PAPPA: variants seen among roughly 807,000 people sequenced by gnomAD.
PAPPA encodes the protein pappalysin 1, also known as pappalysin-1.
A neutral mutation model predicts 164.0 loss-of-function variants in PAPPA; 60 were observed. The ratio of observed to expected loss-of-function variants is 0.37; its 90% CI spans 0.30 to 0.45. The LOEUF is 0.45. Ranked by LOEUF, PAPPA falls within the 20% of genes least tolerant of loss-of-function variation. The pLI is 1.00. For synonymous variants in PAPPA, 875 were observed against 814.1 expected (o/e 1.07, Z -1.27); for missense variants, 1,782 against 2,087.3 (o/e 0.85, Z 2.85).
chr9:116,362,884 A>G (rs953878326), intron 18 of PAPPA, 145 bp downstream of exon 18: 5 of 738,216 alleles, frequency 6.8e-6, no homozygotes, highest in Non-Finnish European at 1.1e-5. Context: ...AGTGTAGACC[A>G]TGTCCTCCCA....
rs1472615793 is a variant in PAPPA at position 116,332,385 on chromosome 9, C to T, written c.3314C>T (p.Thr1105Met). The change falls in exon 12 of 22, where the codon ACG (threonine) becomes ATG (methionine). Residue 1105 changes from threonine to methionine, a missense_variant. By Grantham distance (81) the Thr-to-Met change is moderately conservative (BLOSUM62 -1). This residue lies in a region of PAPPA where 1,324 missense variants were observed against 1,656.9 expected (regional missense o/e 0.80). Coordinates refer to ENST00000328252, the MANE Select transcript of PAPPA (RefSeq NM_002581.5). ...GCAGCTGTCATTGTCCACCTGGTGACGGATGGGACATATTATGGGGACCAA... is the reference window on the plus strand; with the variant it reads ...GCAGCTGTCATTGTCCACCTGGTGATGGATGGGACATATTATGGGGACCAA... ...VAAAVIVHLV[T>M]DGTYYGDQKQ... The T allele has an allele frequency of 7.4e-6, 12 of 1,613,738 alleles. No homozygotes were observed. Among genetic ancestry groups the T allele is most frequent in the African/African-American group, 1.3e-5 (1 of 74,900 alleles).
At chr9:116,196,026 G>A (rs1844099897) in intron 2 of PAPPA, among the ~76,000 whole-genome samples, 1 of 152,092 alleles carries the variant, frequency 6.6e-6, no homozygotes, top group Non-Finnish European at 1.5e-5. Flanking sequence ...TCCAAGTTGG[G>A]GCTCATTGAA....
rs1441425705 is a variant in PAPPA at position 116,195,472 on chromosome 9, C to T, written c.1478+7256C>T. Among the ~76,000 whole-genome samples the T allele has an allele frequency of 6.6e-5, 10 of 152,134 alleles. No individual in the cohort carries two copies. The South Asian group carries it at 8.3e-4, about 13-fold the overall frequency. ...TAAATAAGAATACAAGTTTTGGAGA[C>T]GGAACATACTACAGTCAAGTCATTT... is the stretch of plus-strand genomic sequence containing the variant. On this transcript the variant is annotated intron_variant, in intron 2 of 21. Coordinates refer to ENST00000328252, the MANE Select transcript of PAPPA (RefSeq NM_002581.5).
At chr9:116,192,518 G>T (rs755473530) in intron 2 of PAPPA, among the ~76,000 whole-genome samples, 2 of 152,074 alleles carry the variant, frequency 1.3e-5, no homozygotes, top group Non-Finnish European at 2.9e-5. Context: ...TTTGTTGAAT[G>T]CTCTCTCTGT....
rs1846230961 is a variant in PAPPA, at chr9:116,347,758, A to G, written c.3964+549A>G. On this transcript the variant is annotated intron_variant, in intron 15 of 21. Transcript: ENST00000328252. The surrounding 1 kb of genome is among the most constrained non-coding windows in gnomAD (Gnocchi z 4.5). Reference sequence around the variant, plus strand: ...GCCAGCTGGGCAGAGAAGAGCAGATATGGACAGGAAGCATCTGGCATCCTC... The same window carrying G: ...GCCAGCTGGGCAGAGAAGAGCAGATGTGGACAGGAAGCATCTGGCATCCTC... Among the ~76,000 whole-genome samples the G allele has an allele frequency of 6.6e-6, 1 of 152,184 alleles. No individual in the cohort carries two copies. The highest frequency in any genetic ancestry group is 2.4e-5 in the African/African-American group (1 of 41,442).
chr9:116,367,685 G>C lies in PAPPA; in HGVS notation c.4536G>C (p.Glu1512Asp). Reference sequence around the variant, plus strand: ...CCTCGTGCCTGGACCACAACAGCGAGTCCATCATCCTGCCAATGAACGTGA... The same window carrying C: ...CCTCGTGCCTGGACCACAACAGCGACTCCATCATCCTGCCAATGAACGTGA... ...CATSCLDHNS[E>D]SIILPMNVTV... The change falls in exon 19 of 22, where the codon GAG (glutamate) becomes GAC (aspartate). Residue 1512 changes from glutamate (E) to aspartate (D), a missense_variant. Coordinates refer to ENST00000328252, the MANE Select transcript of PAPPA (RefSeq NM_002581.5). The C allele has an allele frequency of 6.2e-7, 1 of 1,614,124 alleles. No individual in the cohort carries two copies.
rs1254395277 is a variant in PAPPA, at chr9:116,398,681, A to G, written c.*2065A>G. 4 of 512,770 alleles carry G rather than the reference A, an allele frequency of 7.8e-6. No individual in the cohort carries two copies. Among genetic ancestry groups the G allele is most frequent in the Admixed American group, 4.7e-5 (2 of 42,620 alleles). 31.8% of individuals were successfully genotyped at this position (512,770 alleles called of 1,614,324 possible). ...ATGCAGTGCTGAGATAGTTTATGAGACTTGTACCATTTCACAAACTCTGAA... is the reference window on the plus strand; with the variant it reads ...ATGCAGTGCTGAGATAGTTTATGAGGCTTGTACCATTTCACAAACTCTGAA... On this transcript the variant is annotated 3_prime_UTR_variant, in exon 22 of 22. Transcript: ENST00000328252.
intron 21 of PAPPA, among the ~76,000 whole-genome samples, chr9:116,395,345 A>G (rs1320606138): frequency 6.6e-6 from 1 of 152,234 alleles, no homozygotes; most frequent in Non-Finnish European, 1.5e-5. Flanking sequence ...ATTGAGAATG[A>G]GTCCACAAGT....
intron 9 of PAPPA, among the ~76,000 whole-genome samples, chr9:116,275,128 T>C (rs28485123): frequency 0.011 from 1,699 of 152,312 alleles, 37 homozygotes; most frequent in African/African-American, 0.039. Context: ...ACGTAACCAA[T>C]ATTCTTTGAA....
intron 3 of PAPPA, among the ~76,000 whole-genome samples, chr9:116,209,637 C>T (rs933282445): frequency 1.3e-5 from 2 of 152,100 alleles, no homozygotes; most frequent in African/African-American, 2.4e-5. Context: ...AGGACTGGGG[C>T]CCAAGTGCTG....
intron 6 of PAPPA, among the ~76,000 whole-genome samples, chr9:116,230,317 T>C (rs1335222061): frequency 6.6e-6 from 1 of 152,208 alleles, no homozygotes; most frequent in Non-Finnish European, 1.5e-5. Context: ...CCTATTTATC[T>C]TCACATGTTT....
Position 116,176,969 on chromosome 9 carries a change from C to G in PAPPA, c.416-10185C>G, listed in dbSNP as rs554332526. Among the ~76,000 whole-genome samples the G allele has an allele frequency of 2.1e-5, 3 of 145,768 alleles. No individual in the cohort carries two copies. The East Asian group carries it at 6.6e-4, about 32-fold the overall frequency. On this transcript the variant is annotated intron_variant, in intron 1 of 21. Coordinates refer to ENST00000328252, the MANE Select transcript of PAPPA (RefSeq NM_002581.5). ...TCTGGAGTACTGAGAGGAAAGACCC[C>G]CCCCCCCAATATTTTTATTAGTGAC...
chr9:116,321,953 G>C (rs1355256627), intron 10 of PAPPA, among the ~76,000 whole-genome samples: 1 of 152,202 alleles, frequency 6.6e-6, no homozygotes, highest in African/African-American at 2.4e-5. Flanking sequence ...GAAGAGAACA[G>C]ACTTTGCGTC....
chr9:116,314,838 C>T (rs1447708600), intron 10 of PAPPA, among the ~76,000 whole-genome samples: 1 of 152,180 alleles, frequency 6.6e-6, no homozygotes, highest in African/African-American at 2.4e-5. Context: ...CATGAGCAGC[C>T]TCCCTCTTCC....
chr9:116,384,270 T>TTAATAATAATAATTAA (rs1846773585), intron 21 of PAPPA, among the ~76,000 whole-genome samples: 1 of 138,270 alleles, frequency 7.2e-6, no homozygotes, highest in East Asian at 2.1e-4. Context: ...CTACACGTAA[T>TTAATAATAATAATTAA]TAATAATAAT....
At position 116,201,056 on chromosome 9, in the gene PAPPA, G is replaced by C. The variant is rs115012787; in HGVS notation, c.1479-6400G>C. The stretch of plus-strand genomic sequence containing the variant: ...TAAACTCTCCCAGCATTTTCTTTCT[G>C]TGTCTCTTTTTATAGACTGGAGAGG... On this transcript the variant is annotated intron_variant, in intron 2 of 21. Coordinates refer to ENST00000328252, the MANE Select transcript of PAPPA (RefSeq NM_002581.5). Among the ~76,000 whole-genome samples, 1,095 of 152,172 alleles carry C rather than the reference G, an allele frequency of 7.2e-3. 19 individuals are homozygous for C. Among genetic ancestry groups the C allele is most frequent in the African/African-American group, 0.025 (1,019 of 41,510 alleles).
At chr9:116,234,014 G>A (rs916902364) in intron 6 of PAPPA, among the ~76,000 whole-genome samples, 11 of 152,050 alleles carry the variant, frequency 7.2e-5, no homozygotes, top group Non-Finnish European at 1.2e-4. Context: ...TGCAGCCTAG[G>A]CAACAGAGCA....
In PAPPA at chr9:116,205,577, G is replaced by A. The variant is rs187622848; in HGVS notation, c.1479-1879G>A. On this transcript the variant is annotated intron_variant, in intron 2 of 21. Transcript: ENST00000328252. ...GGGCCTGGGTGAGCTTGGAAATGAG[G>A]GTGAGGTTGTGGGAAGGGTTGGACA... 2.4e-3 allele frequency among the ~76,000 whole-genome samples: 369 copies of A among 152,230 alleles called. 2 individuals carry two copies. The highest frequency in any genetic ancestry group is 0.017 in the Admixed American group (266 of 15,284).
At chr9:116,178,505 G>C (rs1007290673) in intron 1 of PAPPA, among the ~76,000 whole-genome samples, 7 of 152,110 alleles carry the variant, frequency 4.6e-5, no homozygotes, top group African/African-American at 1.4e-4. Context: ...CTAAATCCTC[G>C]AAATGGCACT....
Sources: gnomAD v4.1 joint callset for allele counts (sites outside exome capture counted in the v4.1 genomes callset) on GRCh38, gnomAD v4.1.1 for gene constraint, gnomAD v4.1.1 regional missense constraint, Gnocchi (gnomAD v3.1) non-coding constraint, MANE v1.5 for transcripts, NCBI Gene and HGNC (gene_info 2026-07-23, HGNC 2026-07-21) for gene names.